Variants in RNF169 observed in about 807,000 individuals in gnomAD.
RNF169 encodes the protein E3 ubiquitin-protein ligase RNF169.
Under a neutral mutation model 53.9 loss-of-function variants are expected in RNF169, and 24 were observed. The ratio of observed to expected loss-of-function variants is 0.45; its 90% CI spans 0.32 to 0.63. The LOEUF (loss-of-function observed/expected upper bound fraction) is 0.63. RNF169 is among the 20% of genes least tolerant of loss of function. The pLI, the probability that RNF169 is intolerant of heterozygous loss-of-function variation, is 0.04. For synonymous variants in RNF169, 396 were observed against 363.5 expected (o/e 1.09, Z -1.02); for missense variants, 883 against 906.2 (o/e 0.97, Z 0.33).
intron 2 of RNF169, among the ~76,000 whole-genome samples, chr11:74,795,804 C>T (rs772909715): frequency 2.6e-5 from 4 of 152,216 alleles, no homozygotes; most frequent in Admixed American, 6.5e-5. Context: ...CTGAAGTGAG[C>T]TGTGATTGCA....
chr11:74,829,203 A>G (rs75769718), intron 4 of RNF169, among the ~76,000 whole-genome samples: 1 of 152,246 alleles, frequency 6.6e-6, no homozygotes, highest in African/African-American at 2.4e-5. Context: ...ACACTTCTCA[A>G]AAGAAGACAT....
chr11:74,805,835 A>G (rs1437643469), intron 2 of RNF169, among the ~76,000 whole-genome samples: 1 of 152,034 alleles, frequency 6.6e-6, no homozygotes, highest in African/African-American at 2.4e-5. Flanking sequence ...CATGGATGCA[A>G]AATCTGCAGA....
At chr11:74,760,142 G>T (rs1289987070) in intron 1 of RNF169, among the ~76,000 whole-genome samples, 4 of 151,406 alleles carry the variant, frequency 2.6e-5, no homozygotes, top group Non-Finnish European at 5.9e-5. Context: ...TATTTCTGTG[G>T]GATTGGTGGT....
intron 4 of RNF169, among the ~76,000 whole-genome samples, chr11:74,819,741 G>A (rs1591426301): frequency 6.6e-6 from 1 of 152,144 alleles, no homozygotes; most frequent in African/African-American, 2.4e-5. Flanking sequence ...GGGAAGTCTA[G>A]TGACCACATT....
At chr11:74,783,869 C>G (rs1362463129) in intron 1 of RNF169, among the ~76,000 whole-genome samples, 4 of 152,094 alleles carry the variant, frequency 2.6e-5, no homozygotes, top group African/African-American at 9.7e-5. Context: ...TGTGATTGTT[C>G]TTTATTAAAA....
At position 74,837,326 on chromosome 11, in the gene RNF169, TATTA is replaced by T. The variant is rs1232699700; in HGVS notation, c.*600_*603del. 9 of 152,298 alleles carry T rather than the reference TATTA, an allele frequency of 5.9e-5. No homozygotes were observed. The highest frequency in any genetic ancestry group is 2.2e-4 in the African/African-American group (9 of 41,462). 9.4% of individuals were successfully genotyped at this position (152,298 alleles called of 1,614,324 possible). On this transcript the variant is annotated 3_prime_UTR_variant, in exon 6 of 6. Coordinates refer to ENST00000299563, the MANE Select transcript of RNF169 (RefSeq NM_001098638.2). ...GTTGACAGAGCACATTTACAGACCT[TATTA>T]ATTTAGTCTTTCCAAGAGACCTCTC...
intron 1 of RNF169, among the ~76,000 whole-genome samples, chr11:74,781,484 T>A (rs1674400051): frequency 6.6e-6 from 1 of 152,230 alleles, no homozygotes; most frequent in South Asian, 2.1e-4. Flanking sequence ...CAATCTTTAT[T>A]TGAAGGACAT....
intron 2 of RNF169, among the ~76,000 whole-genome samples, chr11:74,806,307 T>C (rs1021247319): frequency 2.0e-5 from 3 of 152,194 alleles, no homozygotes; most frequent in African/African-American, 4.8e-5. Context: ...TATATACACA[T>C]TGAAATGGCT....
chr11:74,825,116 A>G (rs567930142), intron 4 of RNF169, among the ~76,000 whole-genome samples: 1 of 152,296 alleles, frequency 6.6e-6, no homozygotes, highest in African/African-American at 2.4e-5. Context: ...ACAAAGAAAT[A>G]CATTATATAA....
Position 74,817,659 on chromosome 11 carries a change from C to G in RNF169, c.787C>G (p.His263Asp). ...TTCTCGAGGCCAGATGACACAGACA[C>G]ATCGCTCGGCATTTGTTTCCAAGAA... ...EPSRGQMTQT[H>D]RSAFVSKNNS... Residue 263 changes from histidine to aspartate, a missense_variant, in exon 4 of 6, where the codon CAT (histidine) becomes GAT (aspartate). By Grantham distance (81) the His-to-Asp change is moderately conservative (BLOSUM62 -1). This residue lies in a region of RNF169 where 219 missense variants were observed against 289.1 expected (regional missense o/e 0.76). Coordinates refer to ENST00000299563, the MANE Select transcript of RNF169 (RefSeq NM_001098638.2). 1 of 1,614,034 alleles carries G rather than the reference C, an allele frequency of 6.2e-7. No homozygotes were observed. The highest frequency in any genetic ancestry group is 8.5e-7 in the Non-Finnish European group (1 of 1,179,908).
chr11:74,765,477 G>GA (rs1207839132), intron 1 of RNF169, among the ~76,000 whole-genome samples: 1 of 151,938 alleles, frequency 6.6e-6, no homozygotes, highest in African/African-American at 2.4e-5. Flanking sequence ...TTTGGAAATT[G>GA]AAAAAAACAA....
chr11:74,769,092 A>G (rs489210), intron 1 of RNF169, among the ~76,000 whole-genome samples: 3 of 152,328 alleles, frequency 2.0e-5, no homozygotes, highest in South Asian at 2.1e-4. Flanking sequence ...AAGAAGACCA[A>G]CCAGAGGCTG....
At chr11:74,831,890 C>CT (rs2036184340) in intron 4 of RNF169, 1 of 152,164 alleles carries the variant, frequency 6.6e-6, no homozygotes, top group Admixed American at 6.6e-5. Context: ...CAAGACCATT[C>CT]AGTGGGGAAA....
At chr11:74,771,939 T>C (rs538455591) in intron 1 of RNF169, among the ~76,000 whole-genome samples, 1 of 152,300 alleles carries the variant, frequency 6.6e-6, no homozygotes, top group South Asian at 2.1e-4. Context: ...AGACTTGGTT[T>C]CCATCCTTAA....
intron 2 of RNF169, among the ~76,000 whole-genome samples, chr11:74,803,939 T>C (rs923075487): frequency 1.3e-5 from 2 of 152,200 alleles, no homozygotes; most frequent in African/African-American, 4.8e-5. Context: ...GAGAATGAAA[T>C]TGGACCCATA....
Position 74,758,550 on chromosome 11 carries a change from G to A in RNF169, c.502+9168G>A, listed in dbSNP as rs1351014691. ...GGAGTCTCGCTCTGTCACCCAGGCT[G>A]GAGTGCAGTGGCGGGATCTCGGCTC... On this transcript the variant is annotated intron_variant, in intron 1 of 5. Transcript: ENST00000299563. 5.3e-4 allele frequency among the ~76,000 whole-genome samples: 81 copies of A among 151,416 alleles called. 1 individual carries two copies. Among genetic ancestry groups the A allele is most frequent in the Admixed American group, 6.6e-4 (10 of 15,230 alleles).
At chr11:74,777,475 C>T (rs1033651524) in intron 1 of RNF169, among the ~76,000 whole-genome samples, 4 of 152,150 alleles carry the variant, frequency 2.6e-5, no homozygotes, top group African/African-American at 9.7e-5. Flanking sequence ...GTGTTTGATT[C>T]TGTGACCTCC....
intron 1 of RNF169, among the ~76,000 whole-genome samples, chr11:74,767,776 A>C (rs1361455507): frequency 6.6e-6 from 1 of 151,096 alleles, no homozygotes; most frequent in Non-Finnish European, 1.5e-5. Flanking sequence ...ACGGGGTTTC[A>C]CCGTGTTAGC....
At chr11:74,805,667 CG>C (rs2035792803) in intron 2 of RNF169, among the ~76,000 whole-genome samples, 1 of 151,982 alleles carries the variant, frequency 6.6e-6, no homozygotes, top group Non-Finnish European at 1.5e-5. Context: ...AGGCACTAAC[CG>C]TAAGGTAAAA....
Sources: gnomAD v4.1 joint callset for allele counts (sites outside exome capture counted in the v4.1 genomes callset) on GRCh38, gnomAD v4.1.1 for gene constraint, gnomAD v4.1.1 regional missense constraint, MANE v1.5 for transcripts, NCBI Gene and HGNC (gene_info 2026-07-23, HGNC 2026-07-21) for gene names.